Variants in IL36A observed in about 807,000 individuals in gnomAD.
The protein encoded by IL36A is interleukin-36 alpha.
IL36A carries 13 observed loss-of-function variants against 12.7 expected under a neutral mutation model. That is an observed-to-expected ratio of 1.02 (90% CI 0.67 to 1.63). The LOEUF (loss-of-function observed/expected upper bound fraction) is 1.63. Among genes scored for constraint, IL36A ranks in the 40% most tolerant of loss-of-function variants. The pLI is 0.00. For missense variants in IL36A, 195 were observed against 192.9 expected (o/e 1.01, Z -0.07); for synonymous variants, 73 against 71.9 (o/e 1.01, Z -0.08).
At chr2:113,006,560 A>T in intron 2 of IL36A, 38 bp from the exon 3 acceptor site, 1 of 1,612,288 alleles carries the variant, frequency 6.2e-7, no homozygotes, top group South Asian at 1.1e-5. Context: ...CACCCTGGAA[A>T]TGGCAGCTGA....
chr2:113,008,004 A>G lies in IL36A; in HGVS notation c.437A>G (p.Lys146Arg). The G allele has an allele frequency of 3.1e-6, 5 of 1,614,216 alleles. No homozygotes were observed. The highest frequency in any genetic ancestry group is 4.2e-6 in the Non-Finnish European group (5 of 1,180,038). The change falls in exon 4 of 4, where the codon AAA (lysine) becomes AGA (arginine). Residue 146 changes from lysine (K) to arginine (R), a missense_variant. By Grantham distance (26) the Lys-to-Arg change is conservative. Transcript: ENST00000259211. ...CTCATCCTTACCCAAGAACTGGGGA[A>G]AGCCAACACTACTGACTTTGGGTTA... Reference protein sequence around the residue: ...CPLILTQELGKANTTDFGLTM... With the variant: ...CPLILTQELGRANTTDFGLTM...
chr2:113,008,103 C>T, downstream of IL36A: 1 of 1,383,222 alleles, frequency 7.2e-7, no homozygotes. Context: ...TAATCTTAGC[C>T]TGGAATGGGC....
downstream of IL36A, among the ~76,000 whole-genome samples, chr2:113,009,362 T>C (rs1684694182): frequency 6.6e-6 from 1 of 151,990 alleles, no homozygotes; most frequent in Admixed American, 6.5e-5. Context: ...CATGCACACG[T>C]ATGTTTATAG....
In IL36A at chr2:113,006,662, C is replaced by A. The variant is rs1332923012; in HGVS notation, c.189C>A (p.Ile63=). ...ETLEKDRGNP[I]YLGLNGLNLC... ...TTGAGAAAGACAGAGGGAACCCCAT[C>A]TACCTGGGCCTGAATGGACTCAATC... Residue 63 remains isoleucine, a synonymous_variant, in exon 3 of 4, where the codon ATC becomes ATA. Coordinates refer to ENST00000259211, the MANE Select transcript of IL36A (RefSeq NM_014440.3). 5.0e-6 allele frequency: 8 copies of A among 1,614,046 alleles called. No individual in the cohort carries two copies. The East Asian group carries it at 6.7e-5, about 13-fold the overall frequency.
Position 113,007,901 on chromosome 2 carries a change from AG to A in IL36A, c.335del (p.Ser112MetfsTer43). 6 of 1,614,184 alleles carry A rather than the reference AG, an allele frequency of 3.7e-6. No individual in the cohort carries two copies. The South Asian group carries it at 6.6e-5, about 18-fold the overall frequency. The part of the protein sequence containing the change: ...VKSFLFYHSQ[S>X]GRNSTFESVA... ...GTCCTTTCTCTTCTACCACAGCCAGAGTGGCAGGAACTCCACCTTCGAGTCT... is the reference window on the plus strand; with the variant it reads ...GTCCTTTCTCTTCTACCACAGCCAGATGGCAGGAACTCCACCTTCGAGTCT... On this transcript the variant is annotated frameshift_variant, in exon 4 of 4. Coordinates refer to ENST00000259211, the MANE Select transcript of IL36A (RefSeq NM_014440.3). LOFTEE classifies it low-confidence loss of function (END_TRUNC).
downstream of IL36A, chr2:113,008,586 A>T: frequency 4.0e-6 from 1 of 248,888 alleles, no homozygotes; most frequent in South Asian, 4.5e-5. Context: ...GGTGACTCTT[A>T]AATTTTAAGT....
rs551561855 is a variant in IL36A at position 113,006,147 on chromosome 2, G to C, written c.124+60G>C. On this transcript the variant is annotated intron_variant, in intron 2 of 3. Coordinates refer to ENST00000259211, the MANE Select transcript of IL36A (RefSeq NM_014440.3). Reference sequence around the variant, plus strand: ...TGGCCAGTGCTGTTGTGTGTTTGGTGCTCAGATGTTATTCCACAGTGGGCT... The same window carrying C: ...TGGCCAGTGCTGTTGTGTGTTTGGTCCTCAGATGTTATTCCACAGTGGGCT... 88 of 1,079,896 alleles carry C rather than the reference G, an allele frequency of 8.1e-5. 1 individual carries two copies. The Admixed American group carries it at 8.2e-4, about 10-fold the overall frequency. The allele number at this position is 1,079,896 out of a possible 1,614,324, so 66.9% of individuals were successfully genotyped here.
At position 113,007,897 on chromosome 2, in the gene IL36A, C is replaced by T. The variant is rs535977349; in HGVS notation, c.330C>T (p.Ser110=). 1.2e-6 allele frequency: 2 copies of T among 1,614,162 alleles called. No homozygotes were observed. Among genetic ancestry groups the T allele is most frequent in the African/African-American group, 1.3e-5 (1 of 75,042 alleles). Residue 110 remains serine (S), a synonymous_variant, in exon 4 of 4, where the codon AGC becomes AGT. Coordinates refer to ENST00000259211, the MANE Select transcript of IL36A (RefSeq NM_014440.3). ...TGAAGTCCTTTCTCTTCTACCACAG[C>T]CAGAGTGGCAGGAACTCCACCTTCG... ...EPVKSFLFYH[S]QSGRNSTFES... is the part of the protein sequence containing the mutation.
chr2:113,010,494 T>C (rs1684710773), downstream of IL36A, among the ~76,000 whole-genome samples: 1 of 152,178 alleles, frequency 6.6e-6, no homozygotes, highest in African/African-American at 2.4e-5. Context: ...TAAACTGAGA[T>C]GTATGGACCA....
Position 113,005,864 on chromosome 2 carries a change from CCACCA to C in IL36A, c.-5_-1del. ...TATCCTTGGCAGTTCTGAAACAACA[CCACCA>C]CAATGGAAAAAGGTAAAGATCCTCG... On this transcript the variant is annotated 5_prime_UTR_variant, in exon 1 of 4. Coordinates refer to ENST00000259211, the MANE Select transcript of IL36A (RefSeq NM_014440.3). 1 of 1,614,062 alleles carries C rather than the reference CCACCA, an allele frequency of 6.2e-7. No homozygotes were observed. Among genetic ancestry groups the C allele is most frequent in the Non-Finnish European group, 8.5e-7 (1 of 1,179,972 alleles).
At chr2:113,008,816 T>A (rs192135537), downstream of IL36A, among the ~76,000 whole-genome samples, 423 of 151,512 alleles carry the variant, frequency 2.8e-3, 1 homozygote, top group Non-Finnish European at 4.5e-3. Context: ...CTTTTTTTTT[T>A]TAAAAATTTT....
At chr2:113,009,969 GAAGACTTC>G (rs1228585986), downstream of IL36A, among the ~76,000 whole-genome samples, 5 of 152,076 alleles carry the variant, frequency 3.3e-5, 1 homozygote, top group South Asian at 4.2e-4. Context: ...CTCTTATTTT[GAAGACTTC>G]TTTTTAATCC....
intron 3 of IL36A, among the ~76,000 whole-genome samples, chr2:113,007,334 G>A (rs953074476): frequency 1.3e-5 from 2 of 152,106 alleles, no homozygotes; most frequent in East Asian, 3.8e-4. Flanking sequence ...ACCTGGGATG[G>A]GGGTGTGATA....
chr2:113,007,677 T>TGATTA (rs1481510246), intron 3 of IL36A, among the ~76,000 whole-genome samples, 155 bp from the exon 4 acceptor site: 1 of 152,222 alleles, frequency 6.6e-6, no homozygotes, highest in Non-Finnish European at 1.5e-5. Context: ...GAATTTAATT[T>TGATTA]ATATGATTTT....
At chr2:113,009,802 C>T (rs1315175359), downstream of IL36A, among the ~76,000 whole-genome samples, 1 of 152,220 alleles carries the variant, frequency 6.6e-6, no homozygotes, top group Non-Finnish European at 1.5e-5. Flanking sequence ...AAAAACCCTC[C>T]CTGCCTATTC....
downstream of IL36A, among the ~76,000 whole-genome samples, chr2:113,010,285 A>G (rs544170308): frequency 3.9e-5 from 6 of 152,342 alleles, no homozygotes; most frequent in Admixed American, 3.3e-4. Flanking sequence ...TTGAGTGACC[A>G]CATTGATGTT....
At chr2:113,010,557 A>C, downstream of IL36A, among the ~76,000 whole-genome samples, 1 of 152,164 alleles carries the variant, frequency 6.6e-6, no homozygotes, top group East Asian at 1.9e-4. Context: ...CTGGGGAGAA[A>C]TCTGGCCATC....
Position 113,006,740 on chromosome 2 carries a change from G to C in IL36A, c.264+3G>C. On this transcript the variant is annotated splice_donor_region_variant and intron_variant, in intron 3 of 3. Transcript: ENST00000259211. ...ACCAGCCCACACTGCAGCTGAAGGT[G>C]AGTGTGGAAGACAGGTCCTGCCATT... The C allele has an allele frequency of 6.2e-7, 1 of 1,613,622 alleles. No individual in the cohort carries two copies. The highest frequency in any genetic ancestry group is 8.5e-7 in the Non-Finnish European group (1 of 1,179,834).
chr2:113,009,777 G>T (rs1277132456), downstream of IL36A, among the ~76,000 whole-genome samples: 1 of 152,170 alleles, frequency 6.6e-6, no homozygotes, highest in African/African-American at 2.4e-5. Flanking sequence ...AACAATGCAG[G>T]TGCACAGCTA....
Sources: allele counts gnomAD v4.1 joint callset (sites outside exome capture counted in the v4.1 genomes callset), GRCh38; gene constraint gnomAD v4.1.1; transcripts MANE v1.5; gene names NCBI Gene and HGNC (gene_info 2026-07-23, HGNC 2026-07-21).